The following SP140 variants were observed in gnomAD, a reference collection of about 807,000 sequenced individuals.
SP140 encodes the protein SP140 nuclear body protein.
In SP140, 81 loss-of-function variants were observed where a neutral mutation model predicts 125.0. The ratio of observed to expected loss-of-function variants is 0.65; its 90% CI spans 0.54 to 0.78. SP140 has a LOEUF of 0.78. Ranked by LOEUF, SP140 falls within the 30% of genes least tolerant of loss-of-function variation. SP140 has a pLI of 0.00. For missense variants in SP140, 858 were observed against 1,037.0 expected (o/e 0.83, Z 2.37); for synonymous variants, 312 against 354.0 (o/e 0.88, Z 1.33).
chr2:230,241,260 C>T lies in SP140; in HGVS notation c.407-144C>T, dbSNP rs151322859. ...ATTTACACTTAAGATATGTGCCTCT[C>T]AATGAAAAAAAGGGGAACAAGGCTC... On this transcript the variant is annotated intron_variant, in intron 3 of 26. Coordinates refer to ENST00000392045, the MANE Select transcript of SP140 (RefSeq NM_007237.5). The T allele has an allele frequency of 1.7e-3, 1,088 of 650,182 alleles. 3 individuals are homozygous for T. Among genetic ancestry groups the T allele is most frequent in the Non-Finnish European group, 2.0e-3 (710 of 363,330 alleles). The allele number at this position is 650,182 out of a possible 1,614,324, so 40.3% of individuals were successfully genotyped here.
At chr2:230,247,265 C>T (rs919501460) in intron 7 of SP140, among the ~76,000 whole-genome samples, 3 of 152,164 alleles carry the variant, frequency 2.0e-5, no homozygotes, top group African/African-American at 7.2e-5. Context: ...CAATACAAGA[C>T]ACCTCCAAGA....
chr2:230,234,344 G>A (rs2047672755), intron 1 of SP140, among the ~76,000 whole-genome samples: 1 of 152,324 alleles, frequency 6.6e-6, no homozygotes, highest in East Asian at 1.9e-4. Context: ...TTCTGCCAGA[G>A]TGATACCCAT....
At chr2:230,273,483 T>C (rs1242327801) in intron 15 of SP140, among the ~76,000 whole-genome samples, 1 of 152,216 alleles carries the variant, frequency 6.6e-6, no homozygotes. Flanking sequence ...GGAATGCTTA[T>C]ACACACTGTT....
At chr2:230,212,240 TC>T in intron 1 of SP140, 1 of 814,644 alleles carries the variant, frequency 1.2e-6, no homozygotes. Flanking sequence ...TTTGTATTGC[TC>T]AGTTCTTTTT....
At chr2:230,303,421 T>C (rs1250823459) in intron 22 of SP140, among the ~76,000 whole-genome samples, 1 of 152,134 alleles carries the variant, frequency 6.6e-6, no homozygotes, top group East Asian at 1.9e-4. Context: ...AATTAAAAAA[T>C]TGCCAATACT....
upstream of SP140, among the ~76,000 whole-genome samples, chr2:230,200,123 G>T (rs1168769654): frequency 6.6e-6 from 1 of 152,124 alleles, no homozygotes; most frequent in East Asian, 1.9e-4. Context: ...CTGTTAAAAT[G>T]ATAATTTAGA....
At position 230,297,555 on chromosome 2, in the gene SP140, G is replaced by A. The variant is rs1575298394; in HGVS notation, c.2058+93G>A. Reference sequence around the variant, plus strand: ...TCATGACTGCTGTTGCCTGAATCATGTTCAGTCTCAGCTGGAGTATGTGGC... The same window carrying A: ...TCATGACTGCTGTTGCCTGAATCATATTCAGTCTCAGCTGGAGTATGTGGC... On this transcript the variant is annotated intron_variant, in intron 22 of 26. Transcript: ENST00000392045. 5 of 1,437,972 alleles carry A rather than the reference G, an allele frequency of 3.5e-6. No individual in the cohort carries two copies. In the East Asian group the frequency reaches 1.1e-4, roughly 33 times the overall value. The allele number at this position is 1,437,972 out of a possible 1,614,324, so 89.1% of individuals were successfully genotyped here.
At chr2:230,213,530 A>G (rs62193105) in intron 1 of SP140, 2,002 of 172,982 alleles carry the variant, frequency 0.012, 18 homozygotes, top group Non-Finnish European at 0.018. Flanking sequence ...GTACCCTGTG[A>G]TCTGGTCACA....
chr2:230,235,744 C>G (rs1188867709), intron 1 of SP140, among the ~76,000 whole-genome samples: 1 of 152,164 alleles, frequency 6.6e-6, no homozygotes, highest in Non-Finnish European at 1.5e-5. Context: ...ATTAGTTTCC[C>G]AGGCACAGCC....
At chr2:230,257,049 A>G (rs1346277211) in intron 12 of SP140, among the ~76,000 whole-genome samples, 1 of 152,112 alleles carries the variant, frequency 6.6e-6, no homozygotes, top group African/African-American at 2.4e-5. Context: ...AGCAGAGACC[A>G]GTGTCCTGGA....
chr2:230,243,704 T>G (rs765403189), intron 4 of SP140, 27 bp from the exon 5 acceptor site: 8 of 1,543,194 alleles, frequency 5.2e-6, no homozygotes, highest in Non-Finnish European at 3.6e-6. Flanking sequence ...AATCAAGACA[T>G]CTAAGGGATT....
chr2:230,204,515 C>T (rs2043543526), intron 1 of SP140, among the ~76,000 whole-genome samples: 1 of 152,066 alleles, frequency 6.6e-6, no homozygotes, highest in Non-Finnish European at 1.5e-5. Flanking sequence ...ATGTCTATGA[C>T]CCCTTTTCAT....
At chr2:230,186,627 C>T in the SP140 span, among the ~76,000 whole-genome samples, 1 of 151,978 alleles carries the variant, frequency 6.6e-6, no homozygotes, top group East Asian at 1.9e-4. Flanking sequence ...TACATTGTAC[C>T]CAATACATAG....
intron 1 of SP140, among the ~76,000 whole-genome samples, chr2:230,232,248 C>T (rs1234195441): frequency 6.6e-6 from 1 of 152,152 alleles, no homozygotes; most frequent in Non-Finnish European, 1.5e-5. Context: ...GAGATGATGA[C>T]CCCCAGGAGT....
At chr2:230,305,146 T>C (rs532685620) in intron 22 of SP140, among the ~76,000 whole-genome samples, 1 of 152,054 alleles carries the variant, frequency 6.6e-6, no homozygotes, top group Non-Finnish European at 1.5e-5. Flanking sequence ...CCAACGAACA[T>C]GAAAAAATGC....
Position 230,312,882 on chromosome 2 carries a change from T to C in SP140, c.*198T>C. 1 of 474,980 alleles carries C rather than the reference T, an allele frequency of 2.1e-6. No individual in the cohort carries two copies. Among genetic ancestry groups the C allele is most frequent in the South Asian group, 2.1e-5 (1 of 47,896 alleles). 29.4% of individuals were successfully genotyped at this position (474,980 alleles called of 1,614,324 possible). ...ATGAATCACAACCCCAAGTATCTCA[T>C]CAGCCAGGGAAGAGTAAGTGGGATC... is the stretch of plus-strand genomic sequence containing the variant. On this transcript the variant is annotated 3_prime_UTR_variant, in exon 27 of 27. Transcript: ENST00000392045.
At chr2:230,241,730 A>G (rs1268851601) in intron 4 of SP140, among the ~76,000 whole-genome samples, 2 of 152,244 alleles carry the variant, frequency 1.3e-5, no homozygotes, top group African/African-American at 4.8e-5. Flanking sequence ...AGAAAATGGG[A>G]AAGGTAGACA....
At chr2:230,206,563 G>T (rs2043825810) in intron 1 of SP140, among the ~76,000 whole-genome samples, 3 of 113,116 alleles carry the variant, frequency 2.7e-5, no homozygotes, top group Non-Finnish European at 1.8e-5. Flanking sequence ...CATATATCTG[G>T]TCCAGATATT....
intron 21 of SP140, among the ~76,000 whole-genome samples, chr2:230,295,295 C>T (rs1399013971): frequency 6.6e-6 from 1 of 152,206 alleles, no homozygotes; most frequent in Non-Finnish European, 1.5e-5. Flanking sequence ...CCACTGGGAA[C>T]CTGAGATGCA....
Sources: allele counts gnomAD v4.1 joint callset (sites outside exome capture counted in the v4.1 genomes callset), GRCh38; gene constraint gnomAD v4.1.1; transcripts MANE v1.5; gene names NCBI Gene and HGNC (gene_info 2026-07-23, HGNC 2026-07-21).